Variants in NELL1 observed in about 807,000 individuals in gnomAD.
The protein encoded by NELL1 is protein kinase C-binding protein NELL1.
Under a neutral mutation model 107.4 loss-of-function variants are expected in NELL1, and 76 were observed. The ratio of observed to expected loss-of-function variants is 0.71; its 90% CI spans 0.59 to 0.86. The LOEUF (loss-of-function observed/expected upper bound fraction) is 0.86, where lower values mean the gene tolerates loss of function less well. NELL1 is among the 40% of genes least tolerant of loss of function. The pLI is 0.00. For synonymous variants in NELL1, 353 were observed against 341.2 expected, an observed-to-expected ratio of 1.03 and a Z score of -0.38; for missense variants, 1,024 against 1,005.5, an observed-to-expected ratio of 1.02 and a Z score of -0.25.
In NELL1 at chr11:21,495,932, C is replaced by G. The variant is rs1854965946; in HGVS notation, c.1646-38442C>G. On this transcript the variant is annotated intron_variant, in intron 15 of 19. Transcript: ENST00000357134. ...AATATATTGTCATATATGAGCTGCT[C>G]TGTGACTTTGTTGTCTATTATCTGT... 2.6e-5 allele frequency among the ~76,000 whole-genome samples: 4 copies of G among 152,054 alleles called. No individual in the cohort carries two copies. In the South Asian group the frequency reaches 8.3e-4, roughly 32 times the overall value.
intron 15 of NELL1, among the ~76,000 whole-genome samples, chr11:21,471,492 A>T (rs1854180861): frequency 6.6e-6 from 1 of 152,088 alleles, no homozygotes; most frequent in Non-Finnish European, 1.5e-5. Context: ...TCTTTAAATG[A>T]TAGAGACTTT....
At chr11:21,144,495 TAGAGAG>T (rs1350741509) in intron 13 of NELL1, among the ~76,000 whole-genome samples, 1 of 151,938 alleles carries the variant, frequency 6.6e-6, no homozygotes, top group Admixed American at 6.6e-5. Context: ...TTGTCCGTAA[TAGAGAG>T]AGAGAGGAAG....
At chr11:21,009,452 C>T (rs542364320) in intron 12 of NELL1, among the ~76,000 whole-genome samples, 54 of 152,062 alleles carry the variant, frequency 3.6e-4, no homozygotes, top group Non-Finnish European at 7.2e-4. Context: ...AAATTTGACC[C>T]TGTAAGTTCT....
At chr11:20,772,753 A>T (rs1179662308) in intron 2 of NELL1, among the ~76,000 whole-genome samples, 1 of 152,114 alleles carries the variant, frequency 6.6e-6, no homozygotes, top group Non-Finnish European at 1.5e-5. Context: ...GGATTCAAAC[A>T]CTGGTTTGTC....
At chr11:20,972,256 G>A (rs959619502) in intron 12 of NELL1, among the ~76,000 whole-genome samples, 1 of 152,078 alleles carries the variant, frequency 6.6e-6, no homozygotes, top group Non-Finnish European at 1.5e-5. Flanking sequence ...AAGATTTAAG[G>A]CAGAATCCAG....
intron 16 of NELL1, among the ~76,000 whole-genome samples, chr11:21,536,159 G>T (rs934557325): frequency 6.6e-6 from 1 of 152,042 alleles, no homozygotes; most frequent in South Asian, 2.1e-4. Flanking sequence ...TCTTCCCTGG[G>T]TAAACTGCAC....
chr11:21,232,157 A>ATATATATATAT (rs1284072980), intron 14 of NELL1, among the ~76,000 whole-genome samples: 79 of 51,002 alleles, frequency 1.5e-3, no homozygotes, highest in African/African-American at 4.6e-3. Flanking sequence ...TAAAAAAAAA[A>ATATATATATAT]AAATATATAT....
chr11:20,720,537 C>T (rs1855356745), intron 2 of NELL1, among the ~76,000 whole-genome samples: 1 of 152,060 alleles, frequency 6.6e-6, no homozygotes, highest in African/African-American at 2.4e-5. Flanking sequence ...TATTAGTTTG[C>T]AAGGGCTGCT....
At position 21,370,841 on chromosome 11, in the gene NELL1, C is replaced by T. The variant is rs751300206; in HGVS notation, c.1550-12C>T. ...TTTTATCTAAGATAAATACTTTGTT[C>T]TCTTGCAACAGCTTTCTGTGAAGAG... On this transcript the variant is annotated splice_polypyrimidine_tract_variant and intron_variant, in intron 14 of 19. Coordinates refer to ENST00000357134, the MANE Select transcript of NELL1 (RefSeq NM_006157.5). The T allele has an allele frequency of 3.7e-6, 6 of 1,605,666 alleles. No homozygotes were observed. The Admixed American group carries it at 6.7e-5, about 18-fold the overall frequency.
intron 5 of NELL1, among the ~76,000 whole-genome samples, chr11:20,899,420 G>A (rs1282271017): frequency 6.6e-6 from 1 of 152,092 alleles, no homozygotes; most frequent in Admixed American, 6.5e-5. Context: ...AATAGTATAA[G>A]TTAATAACTA....
At chr11:21,111,216 G>T (rs577148682) in intron 12 of NELL1, among the ~76,000 whole-genome samples, 8 of 152,158 alleles carry the variant, frequency 5.3e-5, no homozygotes, top group African/African-American at 1.9e-4. Flanking sequence ...TACACATTTT[G>T]CTCAATGCCT....
chr11:20,761,307 T>C (rs945762201), intron 2 of NELL1, among the ~76,000 whole-genome samples: 5 of 152,188 alleles, frequency 3.3e-5, no homozygotes, highest in African/African-American at 1.2e-4. Context: ...AGACTTGTTC[T>C]AGTGGATACA....
intron 12 of NELL1, among the ~76,000 whole-genome samples, chr11:21,097,431 G>T (rs574132300): frequency 6.6e-6 from 1 of 152,122 alleles, no homozygotes; most frequent in African/African-American, 2.4e-5. Context: ...TATCCTGGAC[G>T]CAGTCCTTAT....
intron 13 of NELL1, among the ~76,000 whole-genome samples, chr11:21,140,370 G>C (rs1475393155): frequency 6.6e-6 from 1 of 152,210 alleles, no homozygotes. Flanking sequence ...TGTGCTGTGT[G>C]CTATAGGATG....
chr11:21,205,548 T>C (rs569934959), intron 13 of NELL1, among the ~76,000 whole-genome samples: 2 of 152,276 alleles, frequency 1.3e-5, no homozygotes, highest in African/African-American at 4.8e-5. Flanking sequence ...GCCCTTAGCT[T>C]GCTGGGCTCT....
intron 14 of NELL1, among the ~76,000 whole-genome samples, chr11:21,335,334 T>C (rs573141332): frequency 1.5e-4 from 23 of 152,202 alleles, no homozygotes; most frequent in African/African-American, 5.5e-4. Context: ...ATTTCCTCTC[T>C]CTCTCTCTAT....
chr11:20,959,423 C>G (rs148767744), intron 11 of NELL1, among the ~76,000 whole-genome samples: 163 of 152,226 alleles, frequency 1.1e-3, no homozygotes, highest in African/African-American at 3.7e-3. Context: ...GGAACCAACC[C>G]AAATGCCCAT....
At chr11:21,387,753 A>G (rs1429717731) in intron 15 of NELL1, among the ~76,000 whole-genome samples, 1 of 151,508 alleles carries the variant, frequency 6.6e-6, no homozygotes, top group East Asian at 2.0e-4. Flanking sequence ...TAGTAACCCT[A>G]TATACCATCT....
At chr11:21,555,056 T>C (rs1236614305) in intron 16 of NELL1, among the ~76,000 whole-genome samples, 1 of 151,936 alleles carries the variant, frequency 6.6e-6, no homozygotes, top group Non-Finnish European at 1.5e-5. Flanking sequence ...AACTATAAAG[T>C]CAATACTTAC....
Sources: allele counts gnomAD v4.1 joint callset (sites outside exome capture counted in the v4.1 genomes callset), GRCh38; gene constraint gnomAD v4.1.1; transcripts MANE v1.5; gene names NCBI Gene and HGNC (gene_info 2026-07-23, HGNC 2026-07-21).